The following SH3KBP1 variants were observed in gnomAD, a reference collection of about 807,000 sequenced individuals.
SH3KBP1 encodes the protein SH3 domain containing kinase binding protein 1.
SH3KBP1 carries 8 observed loss-of-function variants against 50.1 expected under a neutral mutation model. The ratio of observed to expected loss-of-function variants is 0.16; its 90% CI spans 0.09 to 0.29. SH3KBP1 has a LOEUF of 0.29. Among genes scored for constraint, SH3KBP1 ranks in the 10% least tolerant of loss-of-function variants. The pLI is 1.00. For missense variants in SH3KBP1, 377 were observed against 535.2 expected (o/e 0.70, Z 2.92); for synonymous variants, 227 against 218.6 (o/e 1.04, Z -0.34).
At chrX:19,683,181 G>A in intron 6 of SH3KBP1, 1 of 290,401 alleles carries the variant, frequency 3.4e-6, no homozygotes, top group Non-Finnish European at 6.7e-6. Flanking sequence ...CGAGGGCTCT[G>A]GGTGTGTTGC....
At chrX:19,827,302 T>C (rs1401460688) in intron 2 of SH3KBP1, among the ~76,000 whole-genome samples, 2 of 111,725 alleles carry the variant, frequency 1.8e-5, no homozygotes, top group African/African-American at 3.3e-5. Context: ...AGAAAACAGC[T>C]TACTTCCTCA....
chrX:19,607,073 C>T (rs2067264198), intron 9 of SH3KBP1, among the ~76,000 whole-genome samples: 1 of 112,721 alleles, frequency 8.9e-6, no homozygotes, highest in East Asian at 2.8e-4. Flanking sequence ...CCATTAAATG[C>T]TACTTTAGTA....
Position 19,545,174 on chromosome X carries a change from T to C in SH3KBP1, c.1623+748A>G, listed in dbSNP as rs186034704. 2.7e-5 allele frequency among the ~76,000 whole-genome samples: 3 copies of C among 112,456 alleles called. No homozygotes were observed. In the East Asian group the frequency reaches 8.4e-4, roughly 31 times the overall value. On this transcript the variant is annotated intron_variant, in intron 15 of 17. Coordinates refer to ENST00000397821, the MANE Select transcript of SH3KBP1 (RefSeq NM_031892.3). ...GTGCTATTCCTGCTTCAAGTGACTA[T>C]AGTTTTCTGCTTTTAGACAGAAAGA...
At chrX:19,756,097 TACA>T (rs1287500370) in intron 2 of SH3KBP1, among the ~76,000 whole-genome samples, 3 of 110,826 alleles carry the variant, frequency 2.7e-5, no homozygotes, top group Non-Finnish European at 5.7e-5. Flanking sequence ...CTTGTCCTGG[TACA>T]ACAAGAGAAA....
intron 11 of SH3KBP1, among the ~76,000 whole-genome samples, chrX:19,590,647 C>T (rs1359373044): frequency 1.0e-5 from 1 of 96,258 alleles, no homozygotes; most frequent in East Asian, 3.2e-4. Flanking sequence ...ACATCACACA[C>T]TTTTTTTTTT....
chrX:19,588,829 G>C, intron 11 of SH3KBP1, 27 bp from the exon 12 acceptor site: 2 of 1,093,086 alleles, frequency 1.8e-6, no homozygotes, highest in Non-Finnish European at 2.4e-6. Flanking sequence ...AAAGAAAACA[G>C]ATAGATCGAG....
At chrX:19,691,274 G>A (rs1182154774) in intron 5 of SH3KBP1, among the ~76,000 whole-genome samples, 2 of 105,266 alleles carry the variant, frequency 1.9e-5, no homozygotes, top group Non-Finnish European at 3.9e-5. Context: ...CACCACCTAG[G>A]TGGCAGGTTT....
At chrX:19,608,306 C>CTTTTTT (rs57794070) in intron 8 of SH3KBP1, among the ~76,000 whole-genome samples, 18 of 87,288 alleles carry the variant, frequency 2.1e-4, no homozygotes, top group African/African-American at 5.6e-4. Context: ...TTCTTTCTTT[C>CTTTTTT]TTTTTTTTTT....
At chrX:19,541,825 C>T (rs999072259) in intron 16 of SH3KBP1, 100 bp downstream of exon 16, 122 of 1,000,983 alleles carry the variant, frequency 1.2e-4, no homozygotes, top group Non-Finnish European at 1.5e-4. Flanking sequence ...AGACCAGGCC[C>T]GCCCTCCAAG....
chrX:19,640,294 A>T (rs902689402), intron 7 of SH3KBP1, among the ~76,000 whole-genome samples: 1 of 111,268 alleles, frequency 9.0e-6, no homozygotes, highest in East Asian at 2.8e-4. Flanking sequence ...CGCCTCATGT[A>T]ACGGGTTTCT....
rs1326961616 is a variant in SH3KBP1 at position 19,563,913 on chromosome X, G to A, written c.1384+5190C>T. Among the ~76,000 whole-genome samples, 5 of 111,438 alleles carry A rather than the reference G, an allele frequency of 4.5e-5. No individual in the cohort carries two copies. In the South Asian group the frequency reaches 1.2e-3, roughly 26 times the overall value. On this transcript the variant is annotated intron_variant, in intron 13 of 17. Coordinates refer to ENST00000397821, the MANE Select transcript of SH3KBP1 (RefSeq NM_031892.3). Reference sequence around the variant, plus strand: ...ACTAATCCCGAGAGAGCTGGAAGGCGCGGCTGTTGTTCACACACACGCTCA... The same window carrying A: ...ACTAATCCCGAGAGAGCTGGAAGGCACGGCTGTTGTTCACACACACGCTCA...
intron 3 of SH3KBP1, among the ~76,000 whole-genome samples, chrX:19,737,923 GT>G (rs11415907): frequency 1.8e-5 from 2 of 111,769 alleles, no homozygotes; most frequent in African/African-American, 6.5e-5. Context: ...TCTAACTCAT[GT>G]TTTTTGACAG....
chrX:19,783,245 G>C (rs2066239162), intron 2 of SH3KBP1, among the ~76,000 whole-genome samples: 1 of 112,060 alleles, frequency 8.9e-6, no homozygotes, highest in Non-Finnish European at 1.9e-5. Flanking sequence ...TAAGACTTTA[G>C]AATAGCAAAC....
intron 1 of SH3KBP1, among the ~76,000 whole-genome samples, chrX:19,886,969 C>T (rs894407819): frequency 2.7e-5 from 3 of 110,280 alleles, no homozygotes; most frequent in Admixed American, 9.5e-5. Flanking sequence ...GAGGAGGGCG[C>T]GCTCGGGTGC....
At chrX:19,876,556 C>CG (rs376145993) in intron 1 of SH3KBP1, among the ~76,000 whole-genome samples, 126 of 110,808 alleles carry the variant, frequency 1.1e-3, no homozygotes, top group African/African-American at 3.0e-3. Context: ...TGCACATCTC[C>CG]GGGGGGGAGA....
At chrX:19,745,162 T>C (rs1256739027) in intron 3 of SH3KBP1, among the ~76,000 whole-genome samples, 1 of 112,717 alleles carries the variant, frequency 8.9e-6, no homozygotes, top group Non-Finnish European at 1.9e-5. Flanking sequence ...AAGACTGTAG[T>C]TTTACAGCAA....
chrX:19,662,252 G>A (rs983799256), intron 6 of SH3KBP1, among the ~76,000 whole-genome samples: 15 of 111,639 alleles, frequency 1.3e-4, no homozygotes, highest in African/African-American at 3.6e-4. Flanking sequence ...AGTAGATGAC[G>A]TAATTTCCAA....
At chrX:19,740,454 G>GGGTCTTTC in intron 3 of SH3KBP1, among the ~76,000 whole-genome samples, 1 of 112,196 alleles carries the variant, frequency 8.9e-6, no homozygotes, top group East Asian at 2.8e-4. Context: ...CAGCTCAGGT[G>GGGTCTTTC]ATAGCCAAGA....
intron 3 of SH3KBP1, among the ~76,000 whole-genome samples, chrX:19,713,366 G>T (rs2063825450): frequency 9.1e-6 from 1 of 109,666 alleles, no homozygotes; most frequent in African/African-American, 3.3e-5. Flanking sequence ...AGGCTCAAGT[G>T]ATCCTCCCAC....
Sources: allele counts gnomAD v4.1 joint callset (sites outside exome capture counted in the v4.1 genomes callset), GRCh38; gene constraint gnomAD v4.1.1; transcripts MANE v1.5; gene names NCBI Gene and HGNC (gene_info 2026-07-23, HGNC 2026-07-21).